The following RTN4RL1 variants were observed in gnomAD, a reference collection of about 807,000 sequenced individuals.
RTN4RL1 encodes reticulon 4 receptor like 1, also known as reticulon-4 receptor-like 1.
In RTN4RL1, 7 loss-of-function variants were observed where a neutral mutation model predicts 25.6. That is an observed-to-expected ratio of 0.27 (90% CI 0.16 to 0.51). The LOEUF (loss-of-function observed/expected upper bound fraction) is 0.51, where lower values mean the gene tolerates loss of function less well. Among genes scored for constraint, RTN4RL1 ranks in the 20% least tolerant of loss-of-function variants. The pLI is 0.97. For synonymous variants in RTN4RL1, 297 were observed against 288.2 expected (o/e 1.03, Z -0.31); for missense variants, 500 against 615.6 (o/e 0.81, Z 1.99).
intron 1 of RTN4RL1, among the ~76,000 whole-genome samples, chr17:1,947,814 G>T (rs1412929300): frequency 2.0e-5 from 3 of 152,244 alleles, no homozygotes; most frequent in Non-Finnish European, 4.4e-5. Flanking sequence ...GTACTGCCCA[G>T]GCTTGAGACC....
chr17:2,013,661 C>CTTGGGGTTTGATAGCT (rs1567528205), intron 1 of RTN4RL1, among the ~76,000 whole-genome samples: 5 of 121,346 alleles, frequency 4.1e-5, no homozygotes, highest in Admixed American at 2.5e-4. Flanking sequence ...CTCTCTCACC[C>CTTGGGGTTTGATAGCT]TGGAACATAA....
chr17:2,024,372 T>A (rs2067247230), intron 1 of RTN4RL1, among the ~76,000 whole-genome samples: 1 of 152,082 alleles, frequency 6.6e-6, no homozygotes, highest in Non-Finnish European at 1.5e-5. Context: ...GACGTCCGCG[T>A]CCGGGCCCCG....
chr17:2,016,236 C>G lies in RTN4RL1; in HGVS notation c.13+8617G>C, dbSNP rs557552569. Reference sequence around the variant, plus strand: ...TTTCTACTAAAAATACAAAAATTAGCCAGTTGTGGTGGCAGGTGCCTGTAA... The same window carrying G: ...TTTCTACTAAAAATACAAAAATTAGGCAGTTGTGGTGGCAGGTGCCTGTAA... On this transcript the variant is annotated intron_variant, in intron 1 of 1. Coordinates refer to ENST00000331238, the MANE Select transcript of RTN4RL1 (RefSeq NM_178568.4). 2.0e-5 allele frequency among the ~76,000 whole-genome samples: 3 copies of G among 152,096 alleles called. No homozygotes were observed. In the East Asian group the frequency reaches 5.8e-4, roughly 29 times the overall value.
intron 1 of RTN4RL1, among the ~76,000 whole-genome samples, chr17:2,022,924 G>C (rs1475575822): frequency 6.6e-6 from 1 of 152,220 alleles, no homozygotes; most frequent in Non-Finnish European, 1.5e-5. Flanking sequence ...CCCGGGGAGC[G>C]GCCCCCACAG....
intron 1 of RTN4RL1, among the ~76,000 whole-genome samples, chr17:1,996,106 G>A (rs1223760727): frequency 6.6e-6 from 1 of 152,224 alleles, no homozygotes; most frequent in Admixed American, 6.5e-5. Context: ...GTTGGCAGGG[G>A]AGGAGCAGGA....
intron 1 of RTN4RL1, among the ~76,000 whole-genome samples, chr17:1,986,359 G>T (rs1219552779): frequency 2.0e-5 from 3 of 152,000 alleles, no homozygotes; most frequent in Non-Finnish European, 4.4e-5. Flanking sequence ...TCCCTGGAGT[G>T]AATTGAATGG....
chr17:2,005,739 T>TC (rs2066988882), intron 1 of RTN4RL1, among the ~76,000 whole-genome samples: 9 of 145,128 alleles, frequency 6.2e-5, no homozygotes, highest in African/African-American at 1.5e-4. Flanking sequence ...CTCTCTCTCT[T>TC]TCTCTCTCTC....
chr17:2,007,817 G>A (rs1020556667), intron 1 of RTN4RL1, among the ~76,000 whole-genome samples: 7 of 151,388 alleles, frequency 4.6e-5, no homozygotes, highest in African/African-American at 7.3e-5. Context: ...ATGGTGGCAC[G>A]CGCCTGTAAT....
At chr17:2,023,994 G>A (rs1373390699) in intron 1 of RTN4RL1, among the ~76,000 whole-genome samples, 1 of 152,138 alleles carries the variant, frequency 6.6e-6, no homozygotes, top group African/African-American at 2.4e-5. Context: ...CGCAGAGGCT[G>A]GAACAGCTGG....
chr17:1,973,552 C>G (rs1194605225), intron 1 of RTN4RL1, among the ~76,000 whole-genome samples: 1 of 150,834 alleles, frequency 6.6e-6, no homozygotes, highest in South Asian at 2.1e-4. Flanking sequence ...TTCTTGAGTT[C>G]CTCAGGATTC....
At chr17:1,982,613 CAAA>C (rs2066872171) in intron 1 of RTN4RL1, among the ~76,000 whole-genome samples, 11 of 149,098 alleles carry the variant, frequency 7.4e-5, no homozygotes, top group African/African-American at 2.5e-4. Context: ...GACTCCGTCT[CAAA>C]AGAAAAGAAA....
chr17:1,980,220 C>T (rs1428911521), intron 1 of RTN4RL1, among the ~76,000 whole-genome samples: 1 of 146,094 alleles, frequency 6.8e-6, no homozygotes, highest in Admixed American at 7.1e-5. Flanking sequence ...CGTGCCACCA[C>T]GCTCAGCTAA....
In RTN4RL1 at chr17:1,994,554, A is replaced by G. The variant is rs113307442; in HGVS notation, c.13+30299T>C. Among the ~76,000 whole-genome samples the G allele has an allele frequency of 8.2e-3, 1,242 of 152,232 alleles. 22 individuals carry two copies. The highest frequency in any genetic ancestry group is 0.028 in the African/African-American group (1,181 of 41,532). The stretch of plus-strand genomic sequence containing the variant: ...AGCTTGCGAGCTTATCAAACCCACA[A>G]TTTGGGAGAAGGTCCTGCCACTACC... On this transcript the variant is annotated intron_variant, in intron 1 of 1. Transcript: ENST00000331238. The surrounding 1 kb of genome is among the most constrained non-coding windows in gnomAD (Gnocchi z 4.3).
chr17:1,994,474 T>A lies in RTN4RL1; in HGVS notation c.13+30379A>T, dbSNP rs111931839. Among the ~76,000 whole-genome samples the A allele has an allele frequency of 1.3e-5, 2 of 152,306 alleles. No individual in the cohort carries two copies. Among genetic ancestry groups the A allele is most frequent in the African/African-American group, 4.8e-5 (2 of 41,574 alleles). On this transcript the variant is annotated intron_variant, in intron 1 of 1. Coordinates refer to ENST00000331238, the MANE Select transcript of RTN4RL1 (RefSeq NM_178568.4). This position sits in a 1 kb window ranked among gnomAD's most constrained non-coding sequence, Gnocchi z 4.3. ...ATATCCTCGGCCTCATCCCCTGATA[T>A]TCTCAATTCTCAGGTCAGAAAATGC...
Position 1,937,794 on chromosome 17 carries a change from A to G in RTN4RL1, c.28T>C (p.Leu10=). 1 of 1,590,396 alleles carries G rather than the reference A, an allele frequency of 6.3e-7. No individual in the cohort carries two copies. The change falls in exon 2 of 2, where the codon TTG becomes CTG. Residue 10 remains leucine, a synonymous_variant. Transcript: ENST00000331238. ...TCCGCAGCTACCAACAGCAGCAGCAACTCCACACAGCACCCTGGCAGGGAG... is the reference window on the plus strand; with the variant it reads ...TCCGCAGCTACCAACAGCAGCAGCAGCTCCACACAGCACCCTGGCAGGGAG... MLRKGCCVE[L]LLLLVAAELP...
At chr17:2,006,971 G>A (rs1378497378) in intron 1 of RTN4RL1, among the ~76,000 whole-genome samples, 3 of 152,002 alleles carry the variant, frequency 2.0e-5, no homozygotes, top group Non-Finnish European at 2.9e-5. Context: ...ACAGGAAGAG[G>A]TTGGCGATGG....
At chr17:2,023,421 C>CCGG (rs907837602) in intron 1 of RTN4RL1, among the ~76,000 whole-genome samples, 33 of 152,198 alleles carry the variant, frequency 2.2e-4, no homozygotes, top group Admixed American at 2.0e-4. Context: ...GCGAAGGCAG[C>CCGG]CGGCGTTTCC....
At chr17:1,986,926 G>A (rs1327229732) in intron 1 of RTN4RL1, among the ~76,000 whole-genome samples, 13 of 152,048 alleles carry the variant, frequency 8.5e-5, no homozygotes, top group Admixed American at 6.6e-4. Flanking sequence ...TGAGCCGTGC[G>A]ACCTTGAGGA....
intron 1 of RTN4RL1, among the ~76,000 whole-genome samples, chr17:1,950,284 C>T (rs1372424066): frequency 2.0e-5 from 3 of 152,004 alleles, no homozygotes; most frequent in Admixed American, 6.6e-5. Flanking sequence ...CGACAGGACA[C>T]ACTGACGGAT....
Sources: allele counts gnomAD v4.1 joint callset (sites outside exome capture counted in the v4.1 genomes callset), GRCh38; gene constraint gnomAD v4.1.1; non-coding constraint Gnocchi (gnomAD v3.1); transcripts MANE v1.5; gene names NCBI Gene and HGNC (gene_info 2026-07-23, HGNC 2026-07-21).